MKLN1: variants seen among roughly 807,000 people sequenced by gnomAD.
MKLN1 encodes muskelin 1, also known as muskelin.
MKLN1 carries 18 observed loss-of-function variants against 99.0 expected under a neutral mutation model. The ratio of observed to expected loss-of-function variants is 0.18; its 90% CI spans 0.13 to 0.27. The LOEUF (loss-of-function observed/expected upper bound fraction) is 0.27, where lower values mean the gene tolerates loss of function less well. Ranked by LOEUF, MKLN1 falls within the 10% of genes least tolerant of loss-of-function variation. The pLI, the probability that MKLN1 is intolerant of heterozygous loss-of-function variation, is 1.00. For synonymous variants in MKLN1, 288 were observed against 293.2 expected (o/e 0.98, Z 0.18); for missense variants, 621 against 875.9 (o/e 0.71, Z 3.67).
At chr7:131,153,991 A>G (rs986241599) in intron 2 of MKLN1, among the ~76,000 whole-genome samples, 2 of 151,894 alleles carry the variant, frequency 1.3e-5, no homozygotes, top group African/African-American at 2.4e-5. Context: ...TATATTTATT[A>G]TGGATTGATC....
intron 3 of MKLN1, among the ~76,000 whole-genome samples, chr7:131,290,999 A>G (rs373350655): frequency 5.3e-5 from 8 of 152,328 alleles, no homozygotes; most frequent in African/African-American, 1.9e-4. Context: ...CATGGTACAG[A>G]TAAACAAACC....
chr7:131,151,733 C>T (rs1239525712), intron 2 of MKLN1, among the ~76,000 whole-genome samples: 1 of 152,066 alleles, frequency 6.6e-6, no homozygotes, highest in African/African-American at 2.4e-5. Context: ...AAATAAAAAT[C>T]ACCAAGTCAC....
intron 3 of MKLN1, among the ~76,000 whole-genome samples, chr7:131,241,903 T>G (rs1013666468): frequency 1.3e-5 from 2 of 152,220 alleles, no homozygotes; most frequent in African/African-American, 4.8e-5. Context: ...CTTTTTGTCT[T>G]TCCGAATCAC....
intron 6 of MKLN1, among the ~76,000 whole-genome samples, chr7:131,408,396 A>C (rs1437155021): frequency 3.3e-5 from 5 of 152,218 alleles, no homozygotes; most frequent in Non-Finnish European, 7.3e-5. Flanking sequence ...ATTTACCTAT[A>C]CATGCATTTT....
intron 3 of MKLN1, among the ~76,000 whole-genome samples, chr7:131,308,320 G>A (rs1324372335): frequency 6.8e-6 from 1 of 147,330 alleles, no homozygotes; most frequent in African/African-American, 2.5e-5. Context: ...GGAATGCAAT[G>A]GCATGATTTT....
chr7:131,218,786 C>G (rs1797021083), intron 3 of MKLN1, among the ~76,000 whole-genome samples: 1 of 151,872 alleles, frequency 6.6e-6, no homozygotes, highest in Admixed American at 6.6e-5. Context: ...TTCCAACCTT[C>G]CCCCCGACCC....
chr7:131,387,744 T>G (rs1261906384), intron 3 of MKLN1, among the ~76,000 whole-genome samples: 1 of 152,170 alleles, frequency 6.6e-6, no homozygotes, highest in Non-Finnish European at 1.5e-5. Context: ...GCCTGTCACT[T>G]GGAAGGAGCT....
intron 3 of MKLN1, among the ~76,000 whole-genome samples, chr7:131,240,129 C>T (rs1456425765): frequency 1.3e-5 from 2 of 152,028 alleles, no homozygotes; most frequent in Non-Finnish European, 2.9e-5. Flanking sequence ...TGCAGTGAGC[C>T]GTGATCATGC....
At chr7:131,170,497 A>C (rs1796199909) in intron 2 of MKLN1, among the ~76,000 whole-genome samples, 1 of 152,240 alleles carries the variant, frequency 6.6e-6, no homozygotes, top group Admixed American at 6.5e-5. Context: ...CTGTTATACC[A>C]GTGACTAATT....
At chr7:131,350,438 G>A (rs1799687268) in intron 1 of MKLN1, among the ~76,000 whole-genome samples, 1 of 152,016 alleles carries the variant, frequency 6.6e-6, no homozygotes, top group African/African-American at 2.4e-5. Context: ...TCTCAATGAG[G>A]GTCCAGTGTT....
intron 1 of MKLN1, among the ~76,000 whole-genome samples, chr7:131,138,136 G>A (rs55938612): frequency 0.052 from 7,902 of 151,298 alleles, 276 homozygotes; most frequent in African/African-American, 0.09. Flanking sequence ...TATTGGTCAG[G>A]CTGGTCTCAA....
chr7:131,353,096 G>C (rs534122109), intron 1 of MKLN1, among the ~76,000 whole-genome samples: 4 of 152,216 alleles, frequency 2.6e-5, no homozygotes, highest in Admixed American at 1.3e-4. Flanking sequence ...ACAGGTTTTT[G>C]TTTGAACATA....
At chr7:131,171,454 A>G (rs1040824159) in intron 2 of MKLN1, among the ~76,000 whole-genome samples, 2 of 151,096 alleles carry the variant, frequency 1.3e-5, no homozygotes, top group Non-Finnish European at 2.9e-5. Context: ...TTGTTTAAAT[A>G]TTTTTCTTTC....
intron 3 of MKLN1, among the ~76,000 whole-genome samples, chr7:131,277,455 T>G (rs1797991081): frequency 1.3e-5 from 2 of 152,150 alleles, no homozygotes; most frequent in South Asian, 4.1e-4. Flanking sequence ...TGCTAATTTT[T>G]GTATTTTTAG....
chr7:131,387,378 C>T, intron 3 of MKLN1, 116 bp downstream of exon 3: 2 of 889,540 alleles, frequency 2.2e-6, no homozygotes, highest in Admixed American at 2.9e-5. Context: ...AGTATTCCTT[C>T]TATTCTATCC....
chr7:131,283,172 T>G (rs1214923316), intron 3 of MKLN1, among the ~76,000 whole-genome samples: 2 of 152,178 alleles, frequency 1.3e-5, no homozygotes, highest in Admixed American at 1.3e-4. Flanking sequence ...AATCTAAGAA[T>G]CTCAAAAGAT....
chr7:131,309,828 C>G lies in MKLN1; in HGVS notation c.-178-65596C>G, dbSNP rs1276210087. The G allele has an allele frequency of 2.0e-5, 3 of 146,814 alleles. No homozygotes were observed. The Admixed American group carries it at 2.2e-4, about 11-fold the overall frequency. The allele number at this position is 146,814 out of a possible 1,614,324, so 9.1% of individuals were successfully genotyped here. The stretch of plus-strand genomic sequence containing the variant: ...GCAAGCTCTGCTTCCTGGGTTCACG[C>G]CTTTCTCCTGCCTCAGCCTCCCGAG... On this transcript the variant is annotated intron_variant, in intron 3 of 7. Coordinates refer to the MKLN1 transcript ENST00000416992.
intron 12 of MKLN1, among the ~76,000 whole-genome samples, chr7:131,461,206 A>G (rs541575985): frequency 2.0e-5 from 3 of 151,794 alleles, no homozygotes; most frequent in East Asian, 3.9e-4. Context: ...AAAAGTCTGT[A>G]TGTCTTCAAT....
chr7:131,143,359 G>C (rs1401977498), intron 2 of MKLN1, among the ~76,000 whole-genome samples: 1 of 152,160 alleles, frequency 6.6e-6, no homozygotes, highest in African/African-American at 2.4e-5. Flanking sequence ...TCCGCTACTT[G>C]GGAGGTTGAG....
Sources: allele counts gnomAD v4.1 joint callset (sites outside exome capture counted in the v4.1 genomes callset), GRCh38; gene constraint gnomAD v4.1.1; transcripts MANE v1.5; gene names NCBI Gene and HGNC (gene_info 2026-07-23, HGNC 2026-07-21).